KAZN: variants seen among roughly 807,000 people sequenced by gnomAD.
The protein encoded by KAZN is kazrin, periplakin interacting protein, also known as kazrin.
Under a neutral mutation model 87.4 loss-of-function variants are expected in KAZN, and 40 were observed. That is an observed-to-expected ratio of 0.46 (90% CI 0.36 to 0.60). The LOEUF is 0.60. Ranked by LOEUF, KAZN falls within the 20% of genes least tolerant of loss-of-function variation. The probability of loss-of-function intolerance (pLI) is 0.00; values close to 1 mark genes in which losing one functional copy is unlikely to be tolerated. For missense variants in KAZN, 898 were observed against 1,073.9 expected (o/e 0.84, Z 2.29); for synonymous variants, 466 against 458.3 (o/e 1.02, Z -0.22).
intron 2 of KAZN, among the ~76,000 whole-genome samples, chr1:14,972,074 G>T (rs55976914): frequency 0.034 from 5,133 of 152,246 alleles, 133 homozygotes; most frequent in Middle Eastern, 0.051. Flanking sequence ...TCCCAGGAAA[G>T]GTCAGAGATG....
chr1:14,407,337 A>G (rs2101166900), intron 2 of KAZN, among the ~76,000 whole-genome samples: 1 of 152,344 alleles, frequency 6.6e-6, no homozygotes, highest in Non-Finnish European at 1.5e-5. Context: ...CAAAGTGCTC[A>G]GTTTGTTGAA....
intron 2 of KAZN, among the ~76,000 whole-genome samples, chr1:14,406,957 A>G (rs1378618349): frequency 6.6e-6 from 1 of 152,178 alleles, no homozygotes; most frequent in Non-Finnish European, 1.5e-5. Context: ...AAGAGCTGAG[A>G]CTTAGCAGGC....
chr1:14,789,539 C>T (rs972416360), intron 1 of KAZN, among the ~76,000 whole-genome samples: 1 of 151,984 alleles, frequency 6.6e-6, no homozygotes, highest in African/African-American at 2.4e-5. Context: ...ACCCACCAGT[C>T]GGGACCCTTC....
chr1:14,321,676 C>T (rs1320119258), intron 2 of KAZN, among the ~76,000 whole-genome samples: 1 of 152,134 alleles, frequency 6.6e-6, no homozygotes, highest in Non-Finnish European at 1.5e-5. Context: ...TTACCATTGA[C>T]CCCCAGAGAG....
chr1:14,379,567 G>C (rs1661197774), intron 2 of KAZN, among the ~76,000 whole-genome samples: 1 of 152,120 alleles, frequency 6.6e-6, no homozygotes, highest in Non-Finnish European at 1.5e-5. Context: ...TGACTGAAGA[G>C]CCATTGGACC....
chr1:14,375,233 A>G (rs948371046), intron 2 of KAZN, among the ~76,000 whole-genome samples: 3 of 152,186 alleles, frequency 2.0e-5, no homozygotes, highest in Non-Finnish European at 4.4e-5. Flanking sequence ...CACACTTCAG[A>G]AAGAGTGCAG....
chr1:14,472,658 T>C (rs75832480), intron 2 of KAZN, among the ~76,000 whole-genome samples: 1 of 151,800 alleles, frequency 6.6e-6, no homozygotes, highest in Admixed American at 6.6e-5. Context: ...TTTTTTTTTT[T>C]CCTTCACAAT....
At chr1:14,825,729 C>T (rs529979441) in intron 1 of KAZN, among the ~76,000 whole-genome samples, 4 of 152,284 alleles carry the variant, frequency 2.6e-5, no homozygotes, top group Admixed American at 2.0e-4. Flanking sequence ...ATCCCATTGT[C>T]GCCTGATCAA....
At chr1:15,034,513 G>A (rs1294213765) in intron 2 of KAZN, among the ~76,000 whole-genome samples, 3 of 152,196 alleles carry the variant, frequency 2.0e-5, no homozygotes. Context: ...CTTGCTCCCT[G>A]GTCAGATTGA....
intron 1 of KAZN, among the ~76,000 whole-genome samples, chr1:14,890,778 CTTAGCCTCCCAAA>C (rs1395533006): frequency 6.6e-6 from 1 of 150,884 alleles, no homozygotes; most frequent in Non-Finnish European, 1.5e-5. Flanking sequence ...ATCCTCCCAC[CTTAGCCTCCCAAA>C]GTGCTGGGAT....
At chr1:14,141,432 G>A (rs1002149810) in intron 1 of KAZN, among the ~76,000 whole-genome samples, 5 of 151,608 alleles carry the variant, frequency 3.3e-5, no homozygotes, top group African/African-American at 4.9e-5. Context: ...AGGTTTCTTC[G>A]GGGGGTAAAA....
At chr1:14,708,846 G>T (rs183191808) in intron 1 of KAZN, among the ~76,000 whole-genome samples, 1 of 152,072 alleles carries the variant, frequency 6.6e-6, no homozygotes, top group East Asian at 1.9e-4. Context: ...CCTGATTTTG[G>T]TTTATCGTTT....
chr1:14,368,795 C>T (rs975358114), intron 2 of KAZN, among the ~76,000 whole-genome samples: 12 of 152,206 alleles, frequency 7.9e-5, no homozygotes, highest in Admixed American at 7.2e-4. Flanking sequence ...CAATTTACAG[C>T]CCTTTACTTG....
At chr1:14,712,996 A>G in intron 1 of KAZN, among the ~76,000 whole-genome samples, 1 of 152,076 alleles carries the variant, frequency 6.6e-6, no homozygotes, top group South Asian at 2.1e-4. Context: ...CTGCTGTGTA[A>G]CAAACAACCA....
intron 1 of KAZN, among the ~76,000 whole-genome samples, chr1:14,058,181 A>G (rs748757272): frequency 2.0e-5 from 3 of 152,020 alleles, no homozygotes; most frequent in Non-Finnish European, 4.4e-5. Context: ...CCATAGGTCC[A>G]ACTGAGAAGC....
intron 1 of KAZN, among the ~76,000 whole-genome samples, chr1:14,707,166 G>C (rs1396877602): frequency 1.1e-4 from 16 of 152,242 alleles, no homozygotes; most frequent in Admixed American, 9.8e-4. Context: ...GTACAACTGA[G>C]GGTGCAAACT....
intron 2 of KAZN, among the ~76,000 whole-genome samples, chr1:14,199,776 G>A (rs1157959108): frequency 6.6e-6 from 1 of 152,188 alleles, no homozygotes; most frequent in Admixed American, 6.5e-5. Flanking sequence ...GGCTTCTAAT[G>A]ATATCCTTAG....
At chr1:13,996,819 C>T (rs183715584) in intron 1 of KAZN, among the ~76,000 whole-genome samples, 5 of 152,084 alleles carry the variant, frequency 3.3e-5, no homozygotes, top group Non-Finnish European at 5.9e-5. Context: ...GGGTTTCCCC[C>T]CAAGCGAAGC....
chr1:14,971,526 T>A (rs1366236934), intron 2 of KAZN, among the ~76,000 whole-genome samples: 2 of 152,138 alleles, frequency 1.3e-5, no homozygotes, highest in African/African-American at 4.8e-5. Flanking sequence ...CAGGTACTTC[T>A]TTGATTCTGA....
Sources: allele counts gnomAD v4.1 joint callset (sites outside exome capture counted in the v4.1 genomes callset), GRCh38; gene constraint gnomAD v4.1.1; transcripts MANE v1.5; gene names NCBI Gene and HGNC (gene_info 2026-07-23, HGNC 2026-07-21).